The following WNT9A variants were observed in gnomAD, a reference collection of about 807,000 sequenced individuals.
The protein encoded by WNT9A is Wnt family member 9A, also known as protein Wnt-9a.
In WNT9A, 8 loss-of-function variants were observed where a neutral mutation model predicts 31.4. That is an observed-to-expected ratio of 0.26 (90% CI 0.15 to 0.46). The LOEUF (loss-of-function observed/expected upper bound fraction) is 0.46. WNT9A is among the 20% of genes least tolerant of loss of function. The pLI, the probability that WNT9A is intolerant of heterozygous loss-of-function variation, is 0.99. For missense variants in WNT9A, 457 were observed against 522.9 expected, an observed-to-expected ratio of 0.87 and a Z score of 1.23; for synonymous variants, 236 against 220.1, an observed-to-expected ratio of 1.07 and a Z score of -0.64.
intron 1 of WNT9A, among the ~76,000 whole-genome samples, chr1:227,934,010 C>T (rs932668077): frequency 1.3e-5 from 2 of 152,214 alleles, no homozygotes; most frequent in African/African-American, 2.4e-5. Context: ...TGGGCTGCAG[C>T]CTGTGTCAGA....
At position 227,942,147 on chromosome 1, in the gene WNT9A, A is replaced by G. The variant is rs974806629; in HGVS notation, c.95+5646T>C. 6.6e-6 allele frequency among the ~76,000 whole-genome samples: 1 copy of G among 152,132 alleles called. No individual in the cohort carries two copies. The highest frequency in any genetic ancestry group is 2.4e-5 in the African/African-American group (1 of 41,436). Reference sequence around the variant, plus strand: ...GGCACTGGGGCCCTCTGCAGCCTGCAGCAGGGCGGGAGCAAGATGAGGCCA... The same window carrying G: ...GGCACTGGGGCCCTCTGCAGCCTGCGGCAGGGCGGGAGCAAGATGAGGCCA... On this transcript the variant is annotated intron_variant, in intron 1 of 3. Transcript: ENST00000272164. This position sits in a 1 kb window ranked among gnomAD's most constrained non-coding sequence, Gnocchi z 5.7.
intron 1 of WNT9A, among the ~76,000 whole-genome samples, chr1:227,938,213 C>A (rs776173554): frequency 2.0e-5 from 3 of 151,046 alleles, no homozygotes; most frequent in Admixed American, 1.3e-4. Context: ...ACACAAACCC[C>A]CCCACACAGA....
chr1:227,930,810 C>T (rs1449497570), intron 1 of WNT9A, among the ~76,000 whole-genome samples: 1 of 152,126 alleles, frequency 6.6e-6, no homozygotes, highest in African/African-American at 2.4e-5. Flanking sequence ...CACTTAAGGT[C>T]AGGAGTTCGA....
In WNT9A at chr1:227,924,134, T is replaced by C; in HGVS notation, c.615+4A>G. 1.9e-6 allele frequency: 1 copy of C among 520,670 alleles called. No homozygotes were observed. Among genetic ancestry groups the C allele is most frequent in the South Asian group, 2.9e-5 (1 of 34,386 alleles). 32.3% of individuals were successfully genotyped at this position (520,670 alleles called of 1,614,324 possible). The stretch of plus-strand genomic sequence containing the variant: ...TCCCACCCCGCCAGCCCCACCCCAC[T>C]TGCCTTCACACCCACGAGGTTGTTG... On this transcript the variant is annotated splice_donor_region_variant and intron_variant, in intron 3 of 3. Coordinates refer to ENST00000272164, the MANE Select transcript of WNT9A (RefSeq NM_003395.4).
intron 1 of WNT9A, among the ~76,000 whole-genome samples, chr1:227,927,781 G>A (rs979742890): frequency 3.3e-5 from 5 of 152,220 alleles, no homozygotes; most frequent in African/African-American, 9.6e-5. Flanking sequence ...CAGGACCCAC[G>A]AGCCCCAAGC....
chr1:227,938,592 AC>A (rs937237278), intron 1 of WNT9A, among the ~76,000 whole-genome samples: 23 of 151,418 alleles, frequency 1.5e-4, no homozygotes, highest in Non-Finnish European at 3.2e-4. Context: ...CAGACACACA[AC>A]CCCCCACATG....
In WNT9A at chr1:227,921,897, C is replaced by T; in HGVS notation, c.719G>A (p.Gly240Asp). ...WRQLAPFHEVGKHLKHKYETA... is the reference protein window; with the variant it reads ...WRQLAPFHEVDKHLKHKYETA... Reference sequence around the variant, plus strand: ...CTCATACTTGTGCTTCAGATGCTTGCCCACCTCATGGAAAGGCGCCAACTG... The same window carrying T: ...CTCATACTTGTGCTTCAGATGCTTGTCCACCTCATGGAAAGGCGCCAACTG... The change falls in exon 4 of 4, where the codon GGC becomes GAC. Residue 240 changes from glycine to aspartate, a missense_variant. Coordinates refer to ENST00000272164, the MANE Select transcript of WNT9A (RefSeq NM_003395.4). 6.2e-7 allele frequency: 1 copy of T among 1,613,242 alleles called. No homozygotes were observed. The highest frequency in any genetic ancestry group is 8.5e-7 in the Non-Finnish European group (1 of 1,179,958).
intron 1 of WNT9A, among the ~76,000 whole-genome samples, chr1:227,945,463 G>C (rs1666779803): frequency 1.3e-5 from 2 of 152,208 alleles, no homozygotes; most frequent in South Asian, 4.1e-4. Flanking sequence ...GGGTTGGGTT[G>C]CAGCTCAGGG....
chr1:227,931,220 T>C (rs1310518313), intron 1 of WNT9A, among the ~76,000 whole-genome samples: 3 of 152,138 alleles, frequency 2.0e-5, no homozygotes, highest in Non-Finnish European at 1.5e-5. Flanking sequence ...TGGAAGTTTG[T>C]CTTCCTGGAC....
At chr1:227,935,220 C>T (rs1666574496) in intron 1 of WNT9A, among the ~76,000 whole-genome samples, 2 of 150,482 alleles carry the variant, frequency 1.3e-5, no homozygotes, top group African/African-American at 2.5e-5. Flanking sequence ...CCCCAGATCA[C>T]ACCCCCAGTT....
At chr1:227,937,065 C>T (rs377165104) in intron 1 of WNT9A, among the ~76,000 whole-genome samples, 2 of 152,174 alleles carry the variant, frequency 1.3e-5, no homozygotes, top group Non-Finnish European at 2.9e-5. Flanking sequence ...ACCTATCTTC[C>T]GTTGTGCTAA....
At chr1:227,939,755 C>A (rs1402098313) in intron 1 of WNT9A, among the ~76,000 whole-genome samples, 1 of 152,210 alleles carries the variant, frequency 6.6e-6, no homozygotes, top group African/African-American at 2.4e-5. Flanking sequence ...GAAGCCACAA[C>A]ACCCCGCCAG....
At chr1:227,939,646 T>A (rs1210986590) in intron 1 of WNT9A, among the ~76,000 whole-genome samples, 1 of 152,066 alleles carries the variant, frequency 6.6e-6, no homozygotes, top group Non-Finnish European at 1.5e-5. Context: ...AAGGCCGGAC[T>A]CCGACCTTCC....
At chr1:227,922,617 T>A (rs771362402) in intron 3 of WNT9A, among the ~76,000 whole-genome samples, 55 of 152,114 alleles carry the variant, frequency 3.6e-4, no homozygotes, top group Non-Finnish European at 7.2e-4. Context: ...AAGAGAGAGC[T>A]CCTTATACTG....
chr1:227,929,190 G>C (rs950141563), intron 1 of WNT9A, among the ~76,000 whole-genome samples: 3 of 151,934 alleles, frequency 2.0e-5, no homozygotes, highest in Non-Finnish European at 4.4e-5. Flanking sequence ...AGCTGCTCCA[G>C]AGACCGTGAC....
At chr1:227,938,815 C>T (rs1666643927) in intron 1 of WNT9A, among the ~76,000 whole-genome samples, 1 of 152,192 alleles carries the variant, frequency 6.6e-6, no homozygotes, top group Non-Finnish European at 1.5e-5. Context: ...TCCTAAACTA[C>T]CTGGTGAGTG....
At chr1:227,932,349 G>A (rs4399155) in intron 1 of WNT9A, among the ~76,000 whole-genome samples, 24,657 of 152,064 alleles carry the variant, frequency 0.16, 2,433 homozygotes, top group East Asian at 0.29. Context: ...GCAGCAATTC[G>A]GTCCCATTTC....
chr1:227,925,144 G>A lies in WNT9A; in HGVS notation c.352+119C>T. 1.4e-6 allele frequency: 2 copies of A among 1,394,140 alleles called. No individual in the cohort carries two copies. Among genetic ancestry groups the A allele is most frequent in the East Asian group, 2.6e-5 (1 of 38,132 alleles). 86.4% of individuals were successfully genotyped at this position (1,394,140 alleles called of 1,614,324 possible). ...CCAGGGCCTAGGCCCAGGAGCTCTG[G>A]GCAGGCTGGGCCCGGCGTCCCCAGG... On this transcript the variant is annotated intron_variant, in intron 2 of 3. Transcript: ENST00000272164. The surrounding 1 kb of genome is among the most constrained non-coding windows in gnomAD (Gnocchi z 6.0).
rs745638843 is a variant in WNT9A, at chr1:227,921,618, C to T, written c.998G>A (p.Arg333Gln). The change falls in exon 4 of 4, where the codon CGG becomes CAG. Residue 333 changes from arginine (R) to glutamine (Q), a missense_variant. Arg to Gln is a conservative substitution (Grantham distance 43, BLOSUM62 1). Coordinates refer to ENST00000272164, the MANE Select transcript of WNT9A (RefSeq NM_003395.4). ...CCGRGHNTQS[R>Q]VVTRPCQCQV... The stretch of plus-strand genomic sequence containing the variant: ...GCACTGGCAGGGCCTTGTCACCACC[C>T]GGCTCTGTGTGTTATGGCCGCGGCC... 19 of 1,613,328 alleles carry T rather than the reference C, an allele frequency of 1.2e-5. No homozygotes were observed. Among genetic ancestry groups the T allele is most frequent in the Admixed American group, 5.0e-5 (3 of 60,000 alleles).
Sources: gnomAD v4.1 joint callset for allele counts (sites outside exome capture counted in the v4.1 genomes callset) on GRCh38, gnomAD v4.1.1 for gene constraint, Gnocchi (gnomAD v3.1) non-coding constraint, MANE v1.5 for transcripts, NCBI Gene and HGNC (gene_info 2026-07-23, HGNC 2026-07-21) for gene names.